MIPOL1: variants seen among roughly 807,000 people sequenced by gnomAD.
The protein encoded by MIPOL1 is mirror-image polydactyly gene 1 protein.
A neutral mutation model predicts 60.9 loss-of-function variants in MIPOL1; 57 were observed. The ratio of observed to expected loss-of-function variants is 0.94; its 90% CI spans 0.76 to 1.17. The LOEUF (loss-of-function observed/expected upper bound fraction) is 1.17, where lower values mean the gene tolerates loss of function less well. Among genes scored for constraint, MIPOL1 ranks in the 50% most tolerant of loss-of-function variants. The probability of loss-of-function intolerance (pLI) is 0.00; values close to 1 mark genes in which losing one functional copy is unlikely to be tolerated. For synonymous variants in MIPOL1, 179 were observed against 168.8 expected, an observed-to-expected ratio of 1.06 and a Z score of -0.47; for missense variants, 551 against 511.6, an observed-to-expected ratio of 1.08 and a Z score of -0.74.
intron 9 of MIPOL1, among the ~76,000 whole-genome samples, chr14:37,350,396 T>C (rs2091267738): frequency 6.6e-6 from 1 of 151,924 alleles, no homozygotes; most frequent in South Asian, 2.1e-4. Flanking sequence ...TTTTCTTTTC[T>C]TTTCTTTTTC....
chr14:37,418,681 T>C (rs1486115296), intron 10 of MIPOL1, among the ~76,000 whole-genome samples: 2 of 152,128 alleles, frequency 1.3e-5, no homozygotes, highest in Non-Finnish European at 2.9e-5. Flanking sequence ...ACTTAAGCTT[T>C]ATGAACCTAT....
intron 3 of MIPOL1, among the ~76,000 whole-genome samples, chr14:37,264,264 C>G (rs1314572677): frequency 6.6e-6 from 1 of 151,914 alleles, no homozygotes; most frequent in Non-Finnish European, 1.5e-5. Flanking sequence ...AGAGCAGTAT[C>G]TTAAAATTTG....
At chr14:37,520,926 C>CTTTTTTT (rs11299536) in intron 12 of MIPOL1, among the ~76,000 whole-genome samples, 4 of 47,730 alleles carry the variant, frequency 8.4e-5, no homozygotes, top group Non-Finnish European at 1.4e-4. Context: ...TAACATTTTA[C>CTTTTTTT]TTTTTTTTTT....
At chr14:37,221,190 A>G (rs1249163719) in intron 1 of MIPOL1, among the ~76,000 whole-genome samples, 1 of 152,142 alleles carries the variant, frequency 6.6e-6, no homozygotes, top group Non-Finnish European at 1.5e-5. Flanking sequence ...TGGGTAACTG[A>G]TCATGAGCAG....
intron 9 of MIPOL1, among the ~76,000 whole-genome samples, chr14:37,340,946 T>C (rs1035222448): frequency 6.6e-6 from 1 of 152,152 alleles, no homozygotes; most frequent in Non-Finnish European, 1.5e-5. Flanking sequence ...TTCATACCTT[T>C]TCTATGTTTA....
intron 12 of MIPOL1, among the ~76,000 whole-genome samples, chr14:37,521,327 G>A (rs1037759502): frequency 2.0e-5 from 3 of 152,116 alleles, no homozygotes; most frequent in South Asian, 2.1e-4. Flanking sequence ...CTTTATGCCA[G>A]TATATGAAAA....
chr14:37,321,677 A>G (rs2153447274), intron 9 of MIPOL1, among the ~76,000 whole-genome samples: 1 of 152,102 alleles, frequency 6.6e-6, no homozygotes, highest in South Asian at 2.1e-4. Context: ...AGATGTTTAA[A>G]GTATTCAATG....
chr14:37,361,491 G>T (rs1457121248), intron 9 of MIPOL1, among the ~76,000 whole-genome samples: 1 of 151,688 alleles, frequency 6.6e-6, no homozygotes. Context: ...CTAAAGACTT[G>T]CTTTATGAAT....
At chr14:37,514,623 C>CTT (rs753425570) in intron 12 of MIPOL1, among the ~76,000 whole-genome samples, 11 of 143,862 alleles carry the variant, frequency 7.6e-5, no homozygotes, top group Non-Finnish European at 1.1e-4. Context: ...AAAATATACA[C>CTT]TTTTTTTTTT....
chr14:37,456,595 A>T (rs187944386), intron 11 of MIPOL1, among the ~76,000 whole-genome samples: 2 of 152,286 alleles, frequency 1.3e-5, no homozygotes, highest in East Asian at 3.9e-4. Flanking sequence ...AGGGCAATAA[A>T]CATTACCCTG....
rs2095551888 is a variant in MIPOL1 at position 37,547,766 on chromosome 14, G to A, written c.*795G>A. ...TTTGCTTGAAAATTAGCATGCCTCT[G>A]TCTTAAAAGAGACCATCAAACCTAT... On this transcript the variant is annotated 3_prime_UTR_variant, in exon 13 of 13. Coordinates refer to ENST00000684589, the MANE Select transcript of MIPOL1 (RefSeq NM_001388067.1). The A allele has an allele frequency of 6.6e-6, 1 of 152,122 alleles. No homozygotes were observed. Among genetic ancestry groups the A allele is most frequent in the Non-Finnish European group, 1.5e-5 (1 of 67,900 alleles). 9.4% of individuals were successfully genotyped at this position (152,122 alleles called of 1,614,324 possible).
intron 10 of MIPOL1, among the ~76,000 whole-genome samples, chr14:37,398,877 G>A (rs2093428576): frequency 6.6e-6 from 1 of 152,098 alleles, no homozygotes; most frequent in South Asian, 2.1e-4. Context: ...TCTTTATTTG[G>A]ACAAGATGTC....
intron 1 of MIPOL1, among the ~76,000 whole-genome samples, chr14:37,210,130 G>A (rs544736339): frequency 6.6e-6 from 1 of 152,184 alleles, no homozygotes; most frequent in South Asian, 2.1e-4. Context: ...ACTAATCAAT[G>A]TGGAAGATTT....
intron 9 of MIPOL1, among the ~76,000 whole-genome samples, chr14:37,359,782 T>A (rs1415244356): frequency 6.6e-6 from 1 of 152,060 alleles, no homozygotes; most frequent in African/African-American, 2.4e-5. Flanking sequence ...AACTTTGACT[T>A]CCACTTTTCA....
chr14:37,368,145 C>T (rs1033162255), intron 9 of MIPOL1, among the ~76,000 whole-genome samples: 1 of 151,938 alleles, frequency 6.6e-6, no homozygotes, highest in Admixed American at 6.6e-5. Flanking sequence ...TTAGTTTCAA[C>T]AAAACTATCT....
At chr14:37,318,843 AGTT>A (rs1284397702) in intron 9 of MIPOL1, among the ~76,000 whole-genome samples, 10 of 151,680 alleles carry the variant, frequency 6.6e-5, no homozygotes, top group African/African-American at 2.2e-4. Flanking sequence ...TTAGTTAGTT[AGTT>A]AAGACAGAGT....
intron 9 of MIPOL1, among the ~76,000 whole-genome samples, chr14:37,353,495 T>C (rs1002986452): frequency 6.6e-6 from 1 of 152,148 alleles, no homozygotes; most frequent in African/African-American, 2.4e-5. Context: ...CAGTTCCTCA[T>C]TGTACCTCTG....
chr14:37,224,859 G>A (rs1401163553), intron 1 of MIPOL1, among the ~76,000 whole-genome samples: 1 of 152,158 alleles, frequency 6.6e-6, no homozygotes, highest in Admixed American at 6.5e-5. Context: ...TTCTGCCTAT[G>A]AGCCTGTAAA....
chr14:37,297,870 G>A (rs1388065909), intron 7 of MIPOL1, among the ~76,000 whole-genome samples: 1 of 151,996 alleles, frequency 6.6e-6, no homozygotes, highest in Non-Finnish European at 1.5e-5. Flanking sequence ...CATGAAAATG[G>A]CCATACTGCC....
Sources: allele counts gnomAD v4.1 joint callset (sites outside exome capture counted in the v4.1 genomes callset), GRCh38; gene constraint gnomAD v4.1.1; transcripts MANE v1.5; gene names NCBI Gene and HGNC (gene_info 2026-07-23, HGNC 2026-07-21).